Variants in DLG2 observed in about 807,000 individuals in gnomAD.
The protein encoded by DLG2 is disks large homolog 2.
DLG2 carries 45 observed loss-of-function variants against 132.5 expected under a neutral mutation model. That is an observed-to-expected ratio of 0.34 (90% CI 0.27 to 0.44). DLG2 has a LOEUF of 0.44. Ranked by LOEUF, DLG2 falls within the 20% of genes least tolerant of loss-of-function variation. DLG2 has a pLI of 1.00. For synonymous variants in DLG2, 424 were observed against 419.6 expected, an observed-to-expected ratio of 1.01 and a Z score of -0.13; for missense variants, 1,045 against 1,196.9, an observed-to-expected ratio of 0.87 and a Z score of 1.87.
chr11:83,906,253 TCTCTCACACACACACACA>T (rs2074852850), intron 15 of DLG2, among the ~76,000 whole-genome samples: 1 of 96,754 alleles, frequency 1.0e-5, no homozygotes, highest in African/African-American at 4.1e-5. Context: ...TCTCTCTCTC[TCTCTCACACACACACACA>T]CACACACACA....
Position 83,490,692 on chromosome 11 carries a change from T to C in DLG2, c.2194-6464A>G, listed in dbSNP as rs570470982. ...CAAATTGTGGGACAACATGACACCA[T>C]GGGCCTCCTGATGGAAAACACTGAG... On this transcript the variant is annotated intron_variant, in intron 21 of 27. Transcript: ENST00000376104. Among the ~76,000 whole-genome samples the C allele has an allele frequency of 2.0e-5, 3 of 152,110 alleles. No homozygotes were observed. In the South Asian group the frequency reaches 6.2e-4, roughly 32 times the overall value.
chr11:84,713,705 A>G (rs2060699678), intron 6 of DLG2, among the ~76,000 whole-genome samples: 1 of 152,166 alleles, frequency 6.6e-6, no homozygotes, highest in Non-Finnish European at 1.5e-5. Flanking sequence ...TTATATAACT[A>G]TGATTAAAAT....
intron 6 of DLG2, among the ~76,000 whole-genome samples, chr11:84,941,604 A>C (rs1244020513): frequency 6.6e-6 from 1 of 151,824 alleles, no homozygotes; most frequent in East Asian, 1.9e-4. Flanking sequence ...TGATCTTTTT[A>C]ATGTGTTGTT....
intron 6 of DLG2, among the ~76,000 whole-genome samples, chr11:84,998,097 C>A (rs774624285): frequency 3.9e-5 from 6 of 151,920 alleles, no homozygotes; most frequent in Non-Finnish European, 7.4e-5. Context: ...GCTGCTTAGT[C>A]TAATTTCTTC....
intron 2 of DLG2, among the ~76,000 whole-genome samples, chr11:85,616,773 T>C (rs2081365595): frequency 6.6e-6 from 1 of 152,192 alleles, no homozygotes; most frequent in South Asian, 2.1e-4. Context: ...GCTCTTGTTA[T>C]TGGCAACATT....
At chr11:85,457,321 T>C (rs1260784171) in intron 3 of DLG2, among the ~76,000 whole-genome samples, 1 of 152,144 alleles carries the variant, frequency 6.6e-6, no homozygotes, top group African/African-American at 2.4e-5. Context: ...GTTTTGGGCC[T>C]ATGAATGTTG....
chr11:85,561,331 CAAAAAAAAAAAAA>C (rs1162562595), intron 3 of DLG2, among the ~76,000 whole-genome samples: 111 of 12,482 alleles, frequency 8.9e-3, no homozygotes, highest in African/African-American at 0.02. Flanking sequence ...GACCCTATCT[CAAAAAAAAAAAAA>C]AAAAAAAAAA....
chr11:83,602,615 G>A lies in DLG2; in HGVS notation c.1940+30596C>T, dbSNP rs538386528. On this transcript the variant is annotated intron_variant, in intron 19 of 27. Coordinates refer to ENST00000376104, the MANE Select transcript of DLG2 (RefSeq NM_001142699.3). Reference sequence around the variant, plus strand: ...CGGCAGACTGAATCTGAATTTCAGAGCAGCTCCTTGGCCATGTTTCAGTCT... The same window carrying A: ...CGGCAGACTGAATCTGAATTTCAGAACAGCTCCTTGGCCATGTTTCAGTCT... Among the ~76,000 whole-genome samples, 8 of 152,326 alleles carry A rather than the reference G, an allele frequency of 5.3e-5. No individual in the cohort carries two copies. In the South Asian group the frequency reaches 1.7e-3, roughly 32 times the overall value.
intron 19 of DLG2, among the ~76,000 whole-genome samples, chr11:83,589,704 TAA>T (rs1301325447): frequency 6.6e-6 from 1 of 151,172 alleles, no homozygotes; most frequent in Non-Finnish European, 1.5e-5. Flanking sequence ...GCAAATTGGA[TAA>T]AGAGTCAAGA....
At chr11:85,263,725 A>C (rs1307365395) in intron 4 of DLG2, among the ~76,000 whole-genome samples, 5 of 152,208 alleles carry the variant, frequency 3.3e-5, no homozygotes, top group African/African-American at 1.2e-4. Context: ...GAGGACCATC[A>C]GTTGTCTCCA....
intron 21 of DLG2, among the ~76,000 whole-genome samples, chr11:83,497,993 A>G (rs1354760028): frequency 1.3e-5 from 2 of 152,058 alleles, no homozygotes; most frequent in African/African-American, 4.8e-5. Context: ...GGAATTGAGG[A>G]AAAAGTTATC....
chr11:83,514,371 A>C (rs2095199572), intron 21 of DLG2, among the ~76,000 whole-genome samples: 1 of 152,162 alleles, frequency 6.6e-6, no homozygotes. Flanking sequence ...ATTTTTGTAC[A>C]TTGATTTTGT....
At chr11:84,635,761 G>A (rs1000354679) in intron 6 of DLG2, among the ~76,000 whole-genome samples, 3 of 151,928 alleles carry the variant, frequency 2.0e-5, no homozygotes, top group Non-Finnish European at 2.9e-5. Context: ...AAGTAAAGCT[G>A]AGAGAAGTTA....
intron 11 of DLG2, among the ~76,000 whole-genome samples, chr11:84,032,622 C>T (rs1193877350): frequency 2.6e-5 from 4 of 152,120 alleles, no homozygotes; most frequent in Admixed American, 2.6e-4. Context: ...AGAAGATCTA[C>T]CTAAGATCAT....
chr11:85,563,600 T>C (rs1598549468), intron 3 of DLG2, among the ~76,000 whole-genome samples: 1 of 151,678 alleles, frequency 6.6e-6, no homozygotes, highest in Non-Finnish European at 1.5e-5. Context: ...TTGTTCAGCA[T>C]AGTGTTTTTG....
chr11:85,325,105 T>G (rs1253762133), intron 3 of DLG2, among the ~76,000 whole-genome samples: 1 of 133,240 alleles, frequency 7.5e-6, no homozygotes, highest in Non-Finnish European at 1.6e-5. Context: ...ATCCCACACC[T>G]GGCTCAGAGG....
chr11:84,417,161 A>G (rs2098932609), intron 7 of DLG2, among the ~76,000 whole-genome samples: 1 of 152,182 alleles, frequency 6.6e-6, no homozygotes, highest in South Asian at 2.1e-4. Context: ...GGATGGATGG[A>G]GATATGCTGT....
intron 6 of DLG2, among the ~76,000 whole-genome samples, chr11:84,813,772 G>A (rs1348696918): frequency 1.3e-5 from 2 of 152,010 alleles, no homozygotes. Flanking sequence ...ACGATGTGAA[G>A]ACACATAGCT....
intron 4 of DLG2, among the ~76,000 whole-genome samples, chr11:85,180,814 T>C (rs1367495247): frequency 2.0e-5 from 3 of 151,790 alleles, no homozygotes; most frequent in East Asian, 3.9e-4. Context: ...TAGACTTTCA[T>C]AGATGAACCC....
Sources: gnomAD v4.1 joint callset for allele counts (sites outside exome capture counted in the v4.1 genomes callset) on GRCh38, gnomAD v4.1.1 for gene constraint, MANE v1.5 for transcripts, NCBI Gene and HGNC (gene_info 2026-07-23, HGNC 2026-07-21) for gene names.